EPHB4: variants seen among roughly 807,000 people sequenced by gnomAD.
EPHB4 encodes the protein ephrin type-B receptor 4.
A neutral mutation model predicts 110.6 loss-of-function variants in EPHB4; 50 were observed. That is an observed-to-expected ratio of 0.45 (90% CI 0.36 to 0.57). EPHB4 has a LOEUF of 0.57. EPHB4 is among the 20% of genes least tolerant of loss of function. The probability of loss-of-function intolerance (pLI) is 0.00; values close to 1 mark genes in which losing one functional copy is unlikely to be tolerated. For synonymous variants in EPHB4, 592 were observed against 578.4 expected (o/e 1.02, Z -0.34); for missense variants, 1,128 against 1,382.1 (o/e 0.82, Z 2.91).
At chr7:100,818,955 T>C (rs1378655989) in intron 6 of EPHB4, among the ~76,000 whole-genome samples, 1 of 152,128 alleles carries the variant, frequency 6.6e-6, no homozygotes, top group Non-Finnish European at 1.5e-5. Context: ...ATGTCCCTTA[T>C]CTTTTCCAAC....
chr7:100,807,287 C>T, intron 13 of EPHB4, 78 bp downstream of exon 13: 1 of 1,490,700 alleles, frequency 6.7e-7, no homozygotes, highest in East Asian at 2.3e-5. Flanking sequence ...CTGCCAAACC[C>T]TCAGCCTCCC....
intron 16 of EPHB4, among the ~76,000 whole-genome samples, chr7:100,804,304 ATTTCTT>A (rs1812765088): frequency 8.3e-6 from 1 of 119,828 alleles, no homozygotes; most frequent in African/African-American, 3.2e-5. Context: ...TGGCCTTCAC[ATTTCTT>A]TTTTTTTTTT....
intron 13 of EPHB4, among the ~76,000 whole-genome samples, chr7:100,806,780 C>T (rs1002208944): frequency 6.6e-6 from 1 of 152,156 alleles, no homozygotes; most frequent in Non-Finnish European, 1.5e-5. Context: ...AACTGGTTCT[C>T]CTACCTCAGC....
intron 12 of EPHB4, among the ~76,000 whole-genome samples, chr7:100,810,932 T>C (rs1161444519): frequency 6.6e-6 from 1 of 151,870 alleles, no homozygotes; most frequent in East Asian, 1.9e-4. Flanking sequence ...TTTTGCTACA[T>C]AGAAAAATGT....
In EPHB4 at chr7:100,803,415, C is replaced by T. The variant is rs765099649; in HGVS notation, c.*46G>A. The T allele has an allele frequency of 3.0e-5, 45 of 1,481,600 alleles. No homozygotes were observed. Among genetic ancestry groups the T allele is most frequent in the South Asian group, 2.2e-4 (16 of 72,482 alleles). 91.8% of individuals were successfully genotyped at this position (1,481,600 alleles called of 1,614,324 possible). A position where few individuals can be genotyped will look rare whatever the true frequency, so the allele number is the denominator to read the frequency against. Reference sequence around the variant, plus strand: ...GCCTCTGTGAGTCCCCACTCTGCCCCGGAAAATGGGGAGGCGGTGTCCCTG... The same window carrying T: ...GCCTCTGTGAGTCCCCACTCTGCCCTGGAAAATGGGGAGGCGGTGTCCCTG... On this transcript the variant is annotated 3_prime_UTR_variant, in exon 17 of 17. Transcript: ENST00000358173.
intron 10 of EPHB4, 137 bp from the exon 11 acceptor site, chr7:100,813,345 C>T (rs981611752): frequency 6.4e-5 from 42 of 652,356 alleles, no homozygotes; most frequent in Non-Finnish European, 5.4e-5. Flanking sequence ...GATGGAGTCT[C>T]GCTCTGTCAC....
chr7:100,805,296 G>T lies in EPHB4; in HGVS notation c.2704C>A (p.Arg902=), dbSNP rs200953030. The T allele has an allele frequency of 6.2e-7, 1 of 1,613,684 alleles. No individual in the cohort carries two copies. The highest frequency in any genetic ancestry group is 8.5e-7 in the Non-Finnish European group (1 of 1,179,848). The change falls in exon 16 of 17, where the codon CGG becomes AGG. Residue 902 remains arginine, a synonymous_variant. Coordinates refer to ENST00000358173, the MANE Select transcript of EPHB4 (RefSeq NM_004444.5). ...CCAAAAGCTGAGTAGTGAGGCTGCC[G>T]CTGGTCCAGGAGAGGGTGTGAGGCC... is the stretch of plus-strand genomic sequence containing the variant. ...GGASHPLLDQ[R]QPHYSAFGSV... is the part of the protein sequence containing the mutation.
chr7:100,811,893 CG>C (rs1304876171), intron 12 of EPHB4, among the ~76,000 whole-genome samples: 1 of 151,332 alleles, frequency 6.6e-6, no homozygotes, highest in Non-Finnish European at 1.5e-5. Flanking sequence ...AAAAATTGGC[CG>C]GGCGCGGTGG....
chr7:100,821,661 G>T (rs1243823964), intron 4 of EPHB4, among the ~76,000 whole-genome samples: 2 of 150,886 alleles, frequency 1.3e-5, no homozygotes, highest in African/African-American at 2.4e-5. Context: ...TAGAGACGGG[G>T]TCTTGCTCTG....
At chr7:100,824,432 A>G in intron 1 of EPHB4, 159 bp from the exon 2 acceptor site, 2 of 707,458 alleles carry the variant, frequency 2.8e-6, no homozygotes, top group Non-Finnish European at 4.7e-6. Context: ...CACCCGCCTG[A>G]TTTCTGGCCT....
rs78112705 is a variant in EPHB4, at chr7:100,806,763, C to T, written c.2335-194G>A. ...CTTGGCTCACTGAAACTCCGCCTCC[C>T]GGGTTCAACTGGTTCTCCTACCTCA... is the stretch of plus-strand genomic sequence containing the variant. On this transcript the variant is annotated intron_variant, in intron 13 of 16. Transcript: ENST00000358173. Among the ~76,000 whole-genome samples the T allele has an allele frequency of 2.4e-3, 370 of 152,196 alleles. 11 individuals carry two copies. The East Asian group carries it at 0.067, about 28-fold the overall frequency.
At position 100,822,490 on chromosome 7, in the gene EPHB4, A is replaced by G; in HGVS notation, c.589T>C (p.Cys197Arg). 1.2e-6 allele frequency: 2 copies of G among 1,613,150 alleles called. No homozygotes were observed. Among genetic ancestry groups the G allele is most frequent in the Non-Finnish European group, 1.7e-6 (2 of 1,179,656 alleles). The change falls in exon 4 of 17, where the codon TGC becomes CGC. Residue 197 changes from cysteine to arginine, a missense_variant. Transcript: ENST00000358173. This position sits in a 1 kb window ranked among gnomAD's most constrained non-coding sequence, Gnocchi z 4.7. ...LLSLHLFYKK[C>R]AQLTVNLTRF... ...GTCAGGTTCACAGTCAGCTGGGCGC[A>G]CTTTTTGTAGAAGAGGTGCAGGGAT...
intron 14 of EPHB4, 173 bp from the exon 15 acceptor site, chr7:100,805,867 C>T (rs1812807917): frequency 3.6e-6 from 2 of 559,168 alleles, no homozygotes; most frequent in Non-Finnish European, 5.6e-6. Context: ...GCTGAAGGCC[C>T]CAGCAGCTCT....
Position 100,808,486 on chromosome 7 carries a change from C to G in EPHB4, c.2119-906G>C, listed in dbSNP as rs143753042. 2.2e-3 allele frequency among the ~76,000 whole-genome samples: 336 copies of G among 152,252 alleles called. 4 individuals carry two copies. Among genetic ancestry groups the G allele is most frequent in the African/African-American group, 7.6e-3 (315 of 41,544 alleles). ...AAGCAATCTTCCCACCTTGGCCTCCCAAGGTGCTGGGATTACAGGCATGAG... is the reference window on the plus strand; with the variant it reads ...AAGCAATCTTCCCACCTTGGCCTCCGAAGGTGCTGGGATTACAGGCATGAG... On this transcript the variant is annotated intron_variant, in intron 12 of 16. Coordinates refer to ENST00000358173, the MANE Select transcript of EPHB4 (RefSeq NM_004444.5).
At position 100,805,693 on chromosome 7, in the gene EPHB4, A is replaced by G; in HGVS notation, c.2486T>C (p.Val829Ala). ...RPYWDMSNQD[V>A]INAIEQDYRL... ...GTAGTCCTGTTCAATGGCATTGATCACCTGGAAAGAGGGGAAGAAGCTCTG... is the reference window on the plus strand; with the variant it reads ...GTAGTCCTGTTCAATGGCATTGATCGCCTGGAAAGAGGGGAAGAAGCTCTG... Residue 829 changes from valine to alanine, a missense_variant and splice_region_variant, in exon 15 of 17, where the codon GTG (valine) becomes GCG (alanine). Physicochemically the swap from Val to Ala is moderately conservative, Grantham distance 64 (BLOSUM62 0). Around this residue, in one of 3 missense-constraint regions of EPHB4, gnomAD observed 209 missense variants for 240.5 expected, o/e 0.87. Transcript: ENST00000358173. 6.8e-7 allele frequency: 1 copy of G among 1,471,124 alleles called. No individual in the cohort carries two copies. The highest frequency in any genetic ancestry group is 9.0e-7 in the Non-Finnish European group (1 of 1,111,486). 91.1% of individuals were successfully genotyped at this position (1,471,124 alleles called of 1,614,324 possible). A position where few individuals can be genotyped will look rare whatever the true frequency, so the allele number is the denominator to read the frequency against.
At chr7:100,811,705 CA>C (rs1380556076) in intron 12 of EPHB4, among the ~76,000 whole-genome samples, 9 of 151,434 alleles carry the variant, frequency 5.9e-5, no homozygotes, top group African/African-American at 2.2e-4. Flanking sequence ...CCTGTCTCTA[CA>C]AAAAATTTTA....
At chr7:100,815,499 G>C (rs1470995511) in intron 8 of EPHB4, among the ~76,000 whole-genome samples, 1 of 152,176 alleles carries the variant, frequency 6.6e-6, no homozygotes, top group Non-Finnish European at 1.5e-5. Flanking sequence ...AGATCTGGGT[G>C]GGGGGTGATG....
Position 100,820,230 on chromosome 7 carries a change from C to T in EPHB4, c.875G>A (p.Ser292Asn), listed in dbSNP as rs1365949105. 1 of 1,613,992 alleles carries T rather than the reference C, an allele frequency of 6.2e-7. No individual in the cohort carries two copies. Among genetic ancestry groups the T allele is most frequent in the Non-Finnish European group, 8.5e-7 (1 of 1,180,012 alleles). Reference protein sequence around the residue: ...EGSCQPCPANSHSNTIGSAVC... With the variant: ...EGSCQPCPANNHSNTIGSAVC... ...GGCTGATCCAATGGTGTTAGAGTGG[C>T]TATTGGCTGGGCATGGCTGGCAGGA... The change falls in exon 5 of 17, where the codon AGC becomes AAC. Residue 292 changes from serine to asparagine, a missense_variant. By Grantham distance (46) the Ser-to-Asn change is conservative (BLOSUM62 1). Coordinates refer to ENST00000358173, the MANE Select transcript of EPHB4 (RefSeq NM_004444.5).
At chr7:100,813,275 T>A in intron 10 of EPHB4, 67 bp from the exon 11 acceptor site, 1 of 1,267,340 alleles carries the variant, frequency 7.9e-7, no homozygotes. Flanking sequence ...GCTCGGCTCA[T>A]AGCTTTTAGC....
Sources: allele counts gnomAD v4.1 joint callset (sites outside exome capture counted in the v4.1 genomes callset), GRCh38; gene constraint gnomAD v4.1.1; regional missense constraint gnomAD v4.1.1; non-coding constraint Gnocchi (gnomAD v3.1); transcripts MANE v1.5; gene names NCBI Gene and HGNC (gene_info 2026-07-23, HGNC 2026-07-21).